Variants in FOXP2 observed in about 807,000 individuals in gnomAD.
FOXP2 encodes the protein forkhead box protein P2.
In FOXP2, 12 loss-of-function variants were observed where a neutral mutation model predicts 115.8. The ratio of observed to expected loss-of-function variants is 0.10; its 90% CI spans 0.07 to 0.17. FOXP2 has a LOEUF of 0.17. Ranked by LOEUF, FOXP2 falls within the 10% of genes least tolerant of loss-of-function variation. The probability of loss-of-function intolerance (pLI) is 1.00; values close to 1 mark genes in which losing one functional copy is unlikely to be tolerated. For synonymous variants in FOXP2, 328 were observed against 297.7 expected, an observed-to-expected ratio of 1.10 and a Z score of -1.05; for missense variants, 629 against 843.5, an observed-to-expected ratio of 0.75 and a Z score of 3.15.
At chr7:114,400,462 A>G (rs1006800371) in intron 2 of FOXP2, among the ~76,000 whole-genome samples, 1 of 152,210 alleles carries the variant, frequency 6.6e-6, no homozygotes, top group African/African-American at 2.4e-5. Flanking sequence ...CTATCAGAAT[A>G]GATGTTAAAG....
At chr7:114,242,485 T>C (rs1795180132) in intron 1 of FOXP2, among the ~76,000 whole-genome samples, 1 of 152,104 alleles carries the variant, frequency 6.6e-6, no homozygotes, top group African/African-American at 2.4e-5. Context: ...ACCATTCTTT[T>C]TTCCAAGGAC....
rs1164958241 is a variant in FOXP2, at chr7:114,385,616, C to T, written c.-10-40886C>T. Among the ~76,000 whole-genome samples the T allele has an allele frequency of 3.9e-5, 6 of 152,318 alleles. No homozygotes were observed. The East Asian group carries it at 9.6e-4, about 24-fold the overall frequency. On this transcript the variant is annotated intron_variant, in intron 2 of 17. Transcript: ENST00000634411. ...TAGAAAGCCCTTCCCCAGATAGCCT[C>T]ACACCTGAGTCTTAAGTTCGGCGAC...
rs559626685 is a variant in FOXP2 at position 114,659,764 on chromosome 7, G to A, written c.1647+91G>A. On this transcript the variant is annotated intron_variant, in intron 13 of 16. Coordinates refer to ENST00000350908, the MANE Select transcript of FOXP2 (RefSeq NM_014491.4). ...TTATTTACATGACATAAGCAGATTA[G>A]TATCTGCTTCCCCTCTTTTTAACCT... The A allele has an allele frequency of 4.1e-6, 4 of 968,898 alleles. No individual in the cohort carries two copies. The South Asian group carries it at 5.2e-5, about 13-fold the overall frequency. 60.0% of individuals were successfully genotyped at this position (968,898 alleles called of 1,614,324 possible). A position where few individuals can be genotyped will look rare whatever the true frequency, so the allele number is the denominator to read the frequency against.
chr7:114,466,864 C>G (rs1316012090), intron 2 of FOXP2, among the ~76,000 whole-genome samples: 2 of 152,158 alleles, frequency 1.3e-5, no homozygotes, highest in African/African-American at 4.8e-5. Flanking sequence ...ACAAACAGCT[C>G]ACTATTTTCT....
chr7:114,603,562 G>C (rs191744519), intron 3 of FOXP2, among the ~76,000 whole-genome samples: 1 of 152,320 alleles, frequency 6.6e-6, no homozygotes, highest in East Asian at 1.9e-4. Context: ...GTGTTGCAAA[G>C]TTCCTTGAAG....
intron 1 of FOXP2, among the ~76,000 whole-genome samples, chr7:114,266,447 A>G (rs924520822): frequency 8.5e-5 from 13 of 152,156 alleles, no homozygotes; most frequent in African/African-American, 3.1e-4. Flanking sequence ...GGCCTCAGGG[A>G]GCTTTTACTC....
chr7:114,100,859 T>C (rs1790928358), intron 1 of FOXP2, among the ~76,000 whole-genome samples: 1 of 152,222 alleles, frequency 6.6e-6, no homozygotes, highest in African/African-American at 2.4e-5. Flanking sequence ...CAAATTCATT[T>C]AATCCTCATA....
intron 1 of FOXP2, among the ~76,000 whole-genome samples, chr7:114,420,236 T>C (rs977542820): frequency 6.6e-6 from 1 of 151,872 alleles, no homozygotes; most frequent in South Asian, 2.1e-4. Context: ...GTGAAGGCTA[T>C]TGCAAGTAGT....
At chr7:114,120,694 A>G (rs62469161) in intron 1 of FOXP2, among the ~76,000 whole-genome samples, 21 of 121,724 alleles carry the variant, frequency 1.7e-4, no homozygotes, top group African/African-American at 8.0e-4. Flanking sequence ...GTGTGTGTAT[A>G]TGTATGTGTG....
intron 1 of FOXP2, among the ~76,000 whole-genome samples, chr7:114,262,685 G>C (rs1410417949): frequency 6.6e-6 from 1 of 152,058 alleles, no homozygotes; most frequent in East Asian, 1.9e-4. Context: ...AATCACATTT[G>C]GCTAGAACCT....
intron 2 of FOXP2, among the ~76,000 whole-genome samples, chr7:114,519,980 A>G (rs1232673381): frequency 6.6e-6 from 1 of 152,200 alleles, no homozygotes; most frequent in Admixed American, 6.6e-5. Context: ...CCAGTTTTAA[A>G]AAATATGTAT....
chr7:114,597,118 T>C (rs1802764980), intron 3 of FOXP2, among the ~76,000 whole-genome samples: 1 of 152,124 alleles, frequency 6.6e-6, no homozygotes, highest in African/African-American at 2.4e-5. Flanking sequence ...TTTTAAATCA[T>C]TGCTGCAAAC....
chr7:114,534,806 A>G, intron 3 of FOXP2, 100 bp downstream of exon 3: 2 of 872,088 alleles, frequency 2.3e-6, no homozygotes, highest in South Asian at 1.4e-5. Context: ...AAATTATTAC[A>G]TTTGCATATG....
intron 1 of FOXP2, among the ~76,000 whole-genome samples, chr7:114,226,647 G>T (rs1303861057): frequency 3.3e-5 from 5 of 151,992 alleles, no homozygotes; most frequent in Non-Finnish European, 5.9e-5. Context: ...AGTATTCATG[G>T]TTGCCATTTA....
At chr7:114,513,480 G>T (rs977427) in intron 2 of FOXP2, among the ~76,000 whole-genome samples, 6 of 152,040 alleles carry the variant, frequency 3.9e-5, no homozygotes, top group Non-Finnish European at 7.4e-5. Flanking sequence ...CCCACCTCAA[G>T]CCTAATTAAA....
rs550517191 is a variant in FOXP2 at position 114,592,953 on chromosome 7, T to C, written c.259-35587T>C. 2.0e-5 allele frequency among the ~76,000 whole-genome samples: 3 copies of C among 152,108 alleles called. No individual in the cohort carries two copies. The South Asian group carries it at 6.2e-4, about 32-fold the overall frequency. ...AGAGTCGTCTGAACTATTCTTTGTTTATATTGTCTTTAGTTTTGTTCACTT... is the reference window on the plus strand; with the variant it reads ...AGAGTCGTCTGAACTATTCTTTGTTCATATTGTCTTTAGTTTTGTTCACTT... On this transcript the variant is annotated intron_variant, in intron 3 of 16. Coordinates refer to ENST00000350908, the MANE Select transcript of FOXP2 (RefSeq NM_014491.4).
chr7:114,582,887 A>G (rs1301962186), intron 3 of FOXP2, among the ~76,000 whole-genome samples: 1 of 152,204 alleles, frequency 6.6e-6, no homozygotes, highest in South Asian at 2.1e-4. Flanking sequence ...CCTTAGACAT[A>G]TTTAACTACC....
At chr7:114,151,856 C>CCATT (rs1405880715) in intron 1 of FOXP2, among the ~76,000 whole-genome samples, 43 of 152,112 alleles carry the variant, frequency 2.8e-4, no homozygotes, top group African/African-American at 9.9e-4. Flanking sequence ...ACAAGTCATT[C>CCATT]CATTCAGTGA....
chr7:114,230,698 G>A (rs919595763), intron 1 of FOXP2, among the ~76,000 whole-genome samples: 6 of 151,788 alleles, frequency 4.0e-5, no homozygotes, highest in Non-Finnish European at 5.9e-5. Context: ...CATTCAGTGT[G>A]CAAGGAATAG....
Sources: gnomAD v4.1 joint callset for allele counts (sites outside exome capture counted in the v4.1 genomes callset) on GRCh38, gnomAD v4.1.1 for gene constraint, MANE v1.5 for transcripts, NCBI Gene and HGNC (gene_info 2026-07-23, HGNC 2026-07-21) for gene names.